The following STK36 variants were observed in gnomAD, a reference collection of about 807,000 sequenced individuals.
STK36 encodes serine/threonine kinase 36.
STK36 carries 116 observed loss-of-function variants against 142.2 expected under a neutral mutation model. That is an observed-to-expected ratio of 0.82 (90% CI 0.70 to 0.95). The LOEUF is 0.95. Among genes scored for constraint, STK36 ranks in the 40% least tolerant of loss-of-function variants. The pLI is 0.00. For missense variants in STK36, 1,422 were observed against 1,617.2 expected (o/e 0.88, Z 2.07); for synonymous variants, 619 against 641.7 (o/e 0.96, Z 0.53).
chr2:218,684,898 C>A, intron 10 of STK36, 187 bp from the exon 11 acceptor site: 2 of 615,770 alleles, frequency 3.2e-6, no homozygotes, highest in Non-Finnish European at 5.4e-6. Context: ...CCAAGAGACT[C>A]TTCCAGACCC....
intron 6 of STK36, 134 bp downstream of exon 6, chr2:218,676,412 G>A (rs1940249144): frequency 8.2e-7 from 1 of 1,217,618 alleles, no homozygotes; most frequent in African/African-American, 1.5e-5. Flanking sequence ...GTGTTATTCT[G>A]TTCTCGCATT....
intron 6 of STK36, among the ~76,000 whole-genome samples, chr2:218,677,638 T>C (rs1940315725): frequency 6.6e-6 from 1 of 152,250 alleles, no homozygotes; most frequent in African/African-American, 2.4e-5. Context: ...CTAGATGTTA[T>C]CTACATAGCT....
rs990110071 is a variant in STK36, at chr2:218,694,721, G to A, written c.2511+86G>A. On this transcript the variant is annotated intron_variant, in intron 21 of 26. Transcript: ENST00000295709. The surrounding 1 kb of genome is among the most constrained non-coding windows in gnomAD (Gnocchi z 4.4). ...TCAAGGGGAAAAGACTGAAATGCCA[G>A]CAAGCCTGGAGTAAACTGAGGAATG... 8.5e-7 allele frequency: 1 copy of A among 1,179,202 alleles called. No individual in the cohort carries two copies. The highest frequency in any genetic ancestry group is 1.2e-6 in the Non-Finnish European group (1 of 802,694). The allele number at this position is 1,179,202 out of a possible 1,614,324, so 73.0% of individuals were successfully genotyped here.
In STK36 at chr2:218,692,065, C is replaced by T. The variant is rs554059147; in HGVS notation, c.1765-78C>T. 8 of 1,532,080 alleles carry T rather than the reference C, an allele frequency of 5.2e-6. No individual in the cohort carries two copies. In the African/African-American group the frequency reaches 8.3e-5, roughly 16 times the overall value. The allele number at this position is 1,532,080 out of a possible 1,614,324, so 94.9% of individuals were successfully genotyped here. A position where few individuals can be genotyped will look rare whatever the true frequency, so the allele number is the denominator to read the frequency against. ...TGGTTTTTGTCCTCTTTCCTCAGAT[C>T]CTCAGGGTTTTCTTGTTTTTTACAC... On this transcript the variant is annotated intron_variant, in intron 14 of 26. Transcript: ENST00000295709.
At chr2:218,696,687 G>A in intron 22 of STK36, 86 bp downstream of exon 22, 1 of 1,348,632 alleles carries the variant, frequency 7.4e-7, no homozygotes, top group Non-Finnish European at 1.1e-6. Flanking sequence ...GAATGAAGAA[G>A]CAACCCACAG....
intron 10 of STK36, among the ~76,000 whole-genome samples, chr2:218,683,960 A>AC (rs1575129157): frequency 9.2e-6 from 1 of 108,994 alleles, no homozygotes; most frequent in East Asian, 2.1e-4. Flanking sequence ...TATATGTGCC[A>AC]CTTTTTTTTT....
At position 218,679,682 on chromosome 2, in the gene STK36, A is replaced by G. The variant is rs199586750; in HGVS notation, c.901A>G (p.Ile301Val). ...RLAPKGNQSR[I>V]LTQAYKRMAE... ...GGCCCCCAAGGGTAATCAGTCTCGCATCTTGACTCAGGCCTATAAACGCAT... is the reference window on the plus strand; with the variant it reads ...GGCCCCCAAGGGTAATCAGTCTCGCGTCTTGACTCAGGCCTATAAACGCAT... Residue 301 changes from isoleucine (I) to valine (V), a missense_variant, in exon 8 of 27, where the codon ATC becomes GTC. Ile to Val is a conservative substitution (Grantham distance 29, BLOSUM62 3). This residue lies in a region of STK36 where 460 missense variants were observed against 449.6 expected (regional missense o/e 1.02). Coordinates refer to ENST00000295709, the MANE Select transcript of STK36 (RefSeq NM_015690.5). 1 of 1,614,204 alleles carries G rather than the reference A, an allele frequency of 6.2e-7. No homozygotes were observed. The highest frequency in any genetic ancestry group is 1.1e-5 in the South Asian group (1 of 91,092).
chr2:218,696,690 A>T (rs1425051092), intron 22 of STK36, 89 bp downstream of exon 22: 1 of 1,335,626 alleles, frequency 7.5e-7, no homozygotes, highest in East Asian at 2.3e-5. Context: ...TGAAGAAGCA[A>T]CCCACAGCCT....
intron 12 of STK36, 126 bp from the exon 13 acceptor site, chr2:218,689,733 C>G: frequency 1.3e-6 from 1 of 775,208 alleles, no homozygotes; most frequent in South Asian, 1.9e-5. Context: ...TCTGCCTATA[C>G]TTCTCTTCTG....
chr2:218,675,082 A>G (rs1575120294), intron 4 of STK36, among the ~76,000 whole-genome samples: 2 of 152,250 alleles, frequency 1.3e-5, no homozygotes, highest in East Asian at 1.9e-4. Flanking sequence ...AGATGGTGTT[A>G]TTATATAGAT....
chr2:218,691,964 C>T (rs370815087), intron 14 of STK36, among the ~76,000 whole-genome samples, 179 bp from the exon 15 acceptor site: 3 of 152,290 alleles, frequency 2.0e-5, no homozygotes, highest in East Asian at 3.8e-4. Context: ...AAATTATTGT[C>T]CTTGAAGCAT....
intron 21 of STK36, among the ~76,000 whole-genome samples, chr2:218,695,004 A>G (rs1941170842): frequency 6.6e-6 from 1 of 152,124 alleles, no homozygotes; most frequent in Non-Finnish European, 1.5e-5. Context: ...CTCTGACTGC[A>G]GCTTCCACTC....
intron 10 of STK36, among the ~76,000 whole-genome samples, chr2:218,682,933 T>C (rs754256284): frequency 2.6e-5 from 4 of 152,180 alleles, no homozygotes; most frequent in Non-Finnish European, 5.9e-5. Flanking sequence ...TCTCCTTTAA[T>C]CTGGAACAGT....
intron 10 of STK36, among the ~76,000 whole-genome samples, chr2:218,682,348 T>C (rs1940563423): frequency 6.6e-6 from 1 of 152,188 alleles, no homozygotes; most frequent in Admixed American, 6.5e-5. Context: ...TTAGGGTAAG[T>C]TGTACACATG....
At position 218,680,021 on chromosome 2, in the gene STK36, C is replaced by T; in HGVS notation, c.1077C>T (p.Ala359=). The T allele has an allele frequency of 6.2e-7, 1 of 1,614,180 alleles. No individual in the cohort carries two copies. Among genetic ancestry groups the T allele is most frequent in the Non-Finnish European group, 8.5e-7 (1 of 1,180,022 alleles). Residue 359 remains alanine (A), a synonymous_variant, in exon 9 of 27, where the codon GCC becomes GCT. Coordinates refer to ENST00000295709, the MANE Select transcript of STK36 (RefSeq NM_015690.5). ...QESSLLAGIL[A]SELKSSWAKS... ...CAAGCCTCCTGGCCGGGATCTTAGCCTCAGAATTGAAGAGCAGCTGGGCTA... is the reference window on the plus strand; with the variant it reads ...CAAGCCTCCTGGCCGGGATCTTAGCTTCAGAATTGAAGAGCAGCTGGGCTA...
Position 218,697,210 on chromosome 2 carries a change from C to T in STK36, c.2758C>T (p.Gln920Ter), listed in dbSNP as rs1410447978. ...PEPDWTLISP[Q>*]GMAALLSLAM... ...GCCAGACTGGACACTGATTTCTCCC[C>T]AGGGTATCTTTCTATCAGTATCCTT... is the stretch of plus-strand genomic sequence containing the variant. Residue 920 changes from glutamine to a stop codon, truncating the protein, a stop_gained, in exon 23 of 27, where the codon CAG (glutamine) becomes TAG (stop). Coordinates refer to ENST00000295709, the MANE Select transcript of STK36 (RefSeq NM_015690.5). LOFTEE classifies it high-confidence loss of function. 1 of 1,611,508 alleles carries T rather than the reference C, an allele frequency of 6.2e-7. No individual in the cohort carries two copies. Among genetic ancestry groups the T allele is most frequent in the East Asian group, 2.2e-5 (1 of 44,872 alleles).
chr2:218,701,154 A>T (rs1242654068), intron 26 of STK36, among the ~76,000 whole-genome samples: 1 of 144,188 alleles, frequency 6.9e-6, no homozygotes, highest in African/African-American at 2.6e-5. Context: ...TTTTTTTGAG[A>T]CGGAGTCTCA....
intron 14 of STK36, 58 bp downstream of exon 14, chr2:218,690,613 A>T (rs1940963802): frequency 4.4e-6 from 6 of 1,368,598 alleles, no homozygotes; most frequent in Non-Finnish European, 6.3e-6. Flanking sequence ...TGTTTCTCCC[A>T]TCCCCTTTCT....
chr2:218,686,534 G>A (rs548900790), intron 11 of STK36, among the ~76,000 whole-genome samples: 115 of 152,290 alleles, frequency 7.6e-4, no homozygotes, highest in Non-Finnish European at 1.9e-4. Context: ...CTCCCAAAGT[G>A]CTAGGATTAT....
Sources: allele counts gnomAD v4.1 joint callset (sites outside exome capture counted in the v4.1 genomes callset), GRCh38; gene constraint gnomAD v4.1.1; regional missense constraint gnomAD v4.1.1; non-coding constraint Gnocchi (gnomAD v3.1); transcripts MANE v1.5; gene names NCBI Gene and HGNC (gene_info 2026-07-23, HGNC 2026-07-21).